The following CNTNAP2 variants were observed in gnomAD, a reference collection of about 807,000 sequenced individuals.
CNTNAP2 encodes contactin-associated protein-like 2.
A neutral mutation model predicts 155.2 loss-of-function variants in CNTNAP2; 98 were observed. The observed-to-expected ratio is 0.63, with a 90% CI of 0.54 to 0.75. The LOEUF (loss-of-function observed/expected upper bound fraction) is 0.75. Ranked by LOEUF, CNTNAP2 falls within the 30% of genes least tolerant of loss-of-function variation. CNTNAP2 has a pLI of 0.00. For synonymous variants in CNTNAP2, 651 were observed against 631.2 expected (o/e 1.03, Z -0.47); for missense variants, 1,727 against 1,688.1 (o/e 1.02, Z -0.40).
At chr7:147,587,126 A>G (rs928120612) in intron 12 of CNTNAP2, among the ~76,000 whole-genome samples, 1 of 152,218 alleles carries the variant, frequency 6.6e-6, no homozygotes, top group African/African-American at 2.4e-5. Context: ...GACCACTTCA[A>G]CATCTTAAGC....
chr7:147,277,149 G>T (rs923634923), intron 8 of CNTNAP2, among the ~76,000 whole-genome samples: 7 of 151,960 alleles, frequency 4.6e-5, no homozygotes, highest in African/African-American at 1.7e-4. Context: ...AATATGATAT[G>T]CTTGCAATAT....
rs1294097955 is a variant in CNTNAP2 at position 147,660,627 on chromosome 7, A to G, written c.2098+21321A>G. Reference sequence around the variant, plus strand: ...CCATTTTGAAATTGGCCATTCACTCATTCATTCTCTGAACTGGTGCATATT... The same window carrying G: ...CCATTTTGAAATTGGCCATTCACTCGTTCATTCTCTGAACTGGTGCATATT... On this transcript the variant is annotated intron_variant, in intron 13 of 23. Coordinates refer to ENST00000361727, the MANE Select transcript of CNTNAP2 (RefSeq NM_014141.6). Among the ~76,000 whole-genome samples, 8 of 152,306 alleles carry G rather than the reference A, an allele frequency of 5.3e-5. No homozygotes were observed. The East Asian group carries it at 1.4e-3, about 26-fold the overall frequency.
chr7:147,375,218 C>T (rs569729177), intron 9 of CNTNAP2, among the ~76,000 whole-genome samples: 1 of 151,972 alleles, frequency 6.6e-6, no homozygotes, highest in East Asian at 1.9e-4. Flanking sequence ...TTCTTCATGG[C>T]TGTATGAGAA....
intron 12 of CNTNAP2, among the ~76,000 whole-genome samples, chr7:147,600,261 T>C (rs1243075218): frequency 6.6e-6 from 1 of 152,154 alleles, no homozygotes; most frequent in Non-Finnish European, 1.5e-5. Context: ...CAAAAGTATT[T>C]TTCTTCCTCT....
intron 8 of CNTNAP2, among the ~76,000 whole-genome samples, chr7:147,238,163 C>T (rs1259528125): frequency 5.3e-5 from 8 of 152,124 alleles, no homozygotes; most frequent in African/African-American, 1.2e-4. Context: ...TACAGGCGCC[C>T]GCCACCACGC....
intron 1 of CNTNAP2, among the ~76,000 whole-genome samples, chr7:146,147,364 T>C (rs34053851): frequency 0.053 from 7,993 of 152,170 alleles, 248 homozygotes; most frequent in Middle Eastern, 0.1. Context: ...AGGAGATTCA[T>C]AGTAACAAAC....
intron 1 of CNTNAP2, among the ~76,000 whole-genome samples, chr7:146,529,707 C>T (rs945009599): frequency 6.6e-6 from 1 of 151,992 alleles, no homozygotes; most frequent in African/African-American, 2.4e-5. Flanking sequence ...TGGCTCATGT[C>T]TGTAATCCCA....
chr7:147,948,592 C>T (rs1286530498), intron 14 of CNTNAP2, among the ~76,000 whole-genome samples: 1 of 149,244 alleles, frequency 6.7e-6, no homozygotes, highest in Non-Finnish European at 1.5e-5. Flanking sequence ...TTTTCATACA[C>T]ACAAGCATAT....
intron 3 of CNTNAP2, among the ~76,000 whole-genome samples, chr7:146,930,730 G>A (rs544426486): frequency 2.0e-4 from 30 of 152,188 alleles, no homozygotes; most frequent in African/African-American, 7.2e-4. Flanking sequence ...AAAATAAAAG[G>A]ATGGAGGAAG....
chr7:147,310,462 G>T (rs1382016728), intron 9 of CNTNAP2, among the ~76,000 whole-genome samples: 1 of 152,072 alleles, frequency 6.6e-6, no homozygotes, highest in Non-Finnish European at 1.5e-5. Flanking sequence ...TAACACTAAA[G>T]ATAAGTAAAT....
intron 1 of CNTNAP2, among the ~76,000 whole-genome samples, chr7:146,653,214 T>A (rs1158427100): frequency 6.6e-6 from 1 of 152,160 alleles, no homozygotes; most frequent in African/African-American, 2.4e-5. Flanking sequence ...AAGTAGTCAT[T>A]CTTCAGTGTT....
intron 11 of CNTNAP2, among the ~76,000 whole-genome samples, chr7:147,548,860 G>A (rs1193718918): frequency 1.3e-5 from 2 of 152,182 alleles, no homozygotes; most frequent in Non-Finnish European, 2.9e-5. Context: ...TACTGAATAG[G>A]AGATCGTTTC....
intron 11 of CNTNAP2, among the ~76,000 whole-genome samples, chr7:147,505,543 G>C (rs1038688411): frequency 6.6e-6 from 1 of 152,170 alleles, no homozygotes; most frequent in African/African-American, 2.4e-5. Context: ...GCAATTATCA[G>C]CACTTAGTTG....
chr7:148,186,517 C>T (rs1025664008), intron 18 of CNTNAP2, among the ~76,000 whole-genome samples: 12 of 152,110 alleles, frequency 7.9e-5, no homozygotes, highest in African/African-American at 2.7e-4. Context: ...ATGGAGAGCC[C>T]GGGACCACAT....
intron 14 of CNTNAP2, among the ~76,000 whole-genome samples, chr7:147,973,230 T>C (rs1282998868): frequency 2.0e-5 from 3 of 151,650 alleles, no homozygotes; most frequent in Non-Finnish European, 4.4e-5. Context: ...TTAAACCACT[T>C]TACTGCCTTT....
intron 3 of CNTNAP2, among the ~76,000 whole-genome samples, chr7:146,854,379 A>G (rs967851425): frequency 6.6e-6 from 1 of 152,152 alleles, no homozygotes; most frequent in East Asian, 1.9e-4. Context: ...CTTTTTTCCT[A>G]TGTGTATTAA....
intron 16 of CNTNAP2, among the ~76,000 whole-genome samples, chr7:148,136,095 T>TGGAGGGAACGGAGGGAGGAAG (rs1315872339): frequency 2.3e-5 from 1 of 43,240 alleles, no homozygotes; most frequent in Non-Finnish European, 4.1e-5. Flanking sequence ...GTGGAAGGAA[T>TGGAGGGAACGGAGGGAGGAAG]GGAGGGAACG....
chr7:148,229,664 A>G lies in CNTNAP2; in HGVS notation c.3266A>G (p.Tyr1089Cys). 1 of 1,614,230 alleles carries G rather than the reference A, an allele frequency of 6.2e-7. No homozygotes were observed. Among genetic ancestry groups the G allele is most frequent in the Non-Finnish European group, 8.5e-7 (1 of 1,180,040 alleles). The change falls in exon 20 of 24, where the codon TAC becomes TGC. Residue 1089 changes from tyrosine (Y) to cysteine (C), a missense_variant. Coordinates refer to ENST00000361727, the MANE Select transcript of CNTNAP2 (RefSeq NM_014141.6). Reference protein sequence around the residue: ...VKPTGSLQIRYNLGGTREPYN... With the variant: ...VKPTGSLQIRCNLGGTREPYN... ...TCTATAGGAAGCTTACAGATTCGATACAACCTGGGTGGCACCCGAGAGCCA... is the reference window on the plus strand; with the variant it reads ...TCTATAGGAAGCTTACAGATTCGATGCAACCTGGGTGGCACCCGAGAGCCA...
At chr7:146,758,494 G>A (rs1453686311) in intron 1 of CNTNAP2, among the ~76,000 whole-genome samples, 1 of 152,082 alleles carries the variant, frequency 6.6e-6, no homozygotes, top group East Asian at 1.9e-4. Flanking sequence ...ACCAGAGACT[G>A]GGCAATTTAC....
Sources: allele counts gnomAD v4.1 joint callset (sites outside exome capture counted in the v4.1 genomes callset), GRCh38; gene constraint gnomAD v4.1.1; transcripts MANE v1.5; gene names NCBI Gene and HGNC (gene_info 2026-07-23, HGNC 2026-07-21).